The following GBP7 variants were observed in gnomAD, a reference collection of about 807,000 sequenced individuals.
GBP7 encodes guanylate binding protein 7.
In GBP7, 43 loss-of-function variants were observed where a neutral mutation model predicts 61.3. That is an observed-to-expected ratio of 0.70 (90% CI 0.55 to 0.91). The LOEUF (loss-of-function observed/expected upper bound fraction) is 0.91. Among genes scored for constraint, GBP7 ranks in the 40% least tolerant of loss-of-function variants. The probability of loss-of-function intolerance (pLI) is 0.00; values close to 1 mark genes in which losing one functional copy is unlikely to be tolerated. For synonymous variants in GBP7, 267 were observed against 271.0 expected (o/e 0.99, Z 0.14); for missense variants, 717 against 740.5 (o/e 0.97, Z 0.37).
At chr1:89,147,482 G>T in intron 8 of GBP7, 85 bp downstream of exon 8, 1 of 1,019,986 alleles carries the variant, frequency 9.8e-7, no homozygotes, top group Non-Finnish European at 1.5e-6. Context: ...GATAAATGGT[G>T]CTGTGTTCTT....
chr1:89,134,386 G>A (rs1681747114), intron 9 of GBP7, among the ~76,000 whole-genome samples: 1 of 152,136 alleles, frequency 6.6e-6, no homozygotes, highest in South Asian at 2.1e-4. Flanking sequence ...CAATGACCTT[G>A]GACCCCACTG....
intron 3 of GBP7, among the ~76,000 whole-genome samples, chr1:89,159,912 G>A (rs751597898): frequency 1.2e-4 from 19 of 152,118 alleles, no homozygotes; most frequent in African/African-American, 1.9e-4. Flanking sequence ...ACATGCACAC[G>A]TATGTTTATT....
Position 89,163,226 on chromosome 1 carries a change from TTTG to T in GBP7, c.318+1502_318+1504del, listed in dbSNP as rs1372216817. ...AGGATATTGGCCTGAAATTTTCTCT[TTTG>T]TTGTTGTATCTCTTCCAGGTTTTGG... is the stretch of plus-strand genomic sequence containing the variant. On this transcript the variant is annotated intron_variant, in intron 3 of 10. Coordinates refer to ENST00000294671, the MANE Select transcript of GBP7 (RefSeq NM_207398.3). Among the ~76,000 whole-genome samples, 14 of 152,286 alleles carry T rather than the reference TTTG, an allele frequency of 9.2e-5. No homozygotes were observed. The East Asian group carries it at 2.3e-3, about 25-fold the overall frequency.
At chr1:89,150,228 G>A (rs1230666248) in intron 6 of GBP7, 102 bp downstream of exon 6, 7 of 1,077,418 alleles carry the variant, frequency 6.5e-6, no homozygotes, top group Non-Finnish European at 8.2e-6. Context: ...TCATAACACA[G>A]ATGTTATCTC....
chr1:89,142,843 A>G (rs1277591541), intron 8 of GBP7, among the ~76,000 whole-genome samples: 1 of 152,182 alleles, frequency 6.6e-6, no homozygotes, highest in Non-Finnish European at 1.5e-5. Flanking sequence ...TGCTACAAAT[A>G]CCTGAGACTG....
At chr1:89,145,939 A>G (rs1372047855) in intron 8 of GBP7, among the ~76,000 whole-genome samples, 1 of 152,190 alleles carries the variant, frequency 6.6e-6, no homozygotes, top group Non-Finnish European at 1.5e-5. Context: ...CAAAATTCCA[A>G]TGGTGTTTTT....
At chr1:89,135,976 A>G (rs1423023913) in intron 9 of GBP7, among the ~76,000 whole-genome samples, 1 of 152,218 alleles carries the variant, frequency 6.6e-6, no homozygotes, top group Non-Finnish European at 1.5e-5. Flanking sequence ...AAAATCTATC[A>G]AGCAAATGGA....
At chr1:89,156,970 C>G (rs1306264955) in intron 3 of GBP7, among the ~76,000 whole-genome samples, 1 of 152,166 alleles carries the variant, frequency 6.6e-6, no homozygotes, top group Non-Finnish European at 1.5e-5. Context: ...CACTCCTCAG[C>G]AAATGTAAAA....
intron 9 of GBP7, among the ~76,000 whole-genome samples, chr1:89,138,532 C>T (rs1403269118): frequency 6.6e-6 from 1 of 151,902 alleles, no homozygotes; most frequent in Non-Finnish European, 1.5e-5. Context: ...TACCACACAC[C>T]TACAACTATC....
At chr1:89,149,689 T>G in intron 6 of GBP7, 117 bp from the exon 7 acceptor site, 1 of 786,800 alleles carries the variant, frequency 1.3e-6, no homozygotes, top group Non-Finnish European at 2.0e-6. Context: ...GAATTTTCCC[T>G]CCTTCTCCTT....
In GBP7 at chr1:89,171,768, G is replaced by A; in HGVS notation, c.168C>T (p.Asn56=). ...CACCTTTGTTCTTCCCAGCCAGCTT[G>A]TTCATTAGGTAGGATTTGCCTGTGC... The part of the protein sequence containing the change: ...LYRTGKSYLM[N]KLAGKNKGFP... Residue 56 remains asparagine, a synonymous_variant, in exon 2 of 11, where the codon AAC becomes AAT. Coordinates refer to ENST00000294671, the MANE Select transcript of GBP7 (RefSeq NM_207398.3). The A allele has an allele frequency of 6.2e-7, 1 of 1,612,952 alleles. No homozygotes were observed. The highest frequency in any genetic ancestry group is 1.1e-5 in the South Asian group (1 of 90,956).
At chr1:89,159,044 C>T (rs879464818) in intron 3 of GBP7, among the ~76,000 whole-genome samples, 68 of 152,196 alleles carry the variant, frequency 4.5e-4, no homozygotes, top group Middle Eastern at 3.4e-3. Context: ...ACAGAGCCCT[C>T]GGAAATAATA....
At chr1:89,161,962 G>A (rs1005928796) in intron 3 of GBP7, among the ~76,000 whole-genome samples, 1 of 151,656 alleles carries the variant, frequency 6.6e-6, no homozygotes, top group Admixed American at 6.6e-5. Flanking sequence ...TCTAAGTAAA[G>A]GGTCCAATTT....
chr1:89,134,635 C>T (rs12095055), intron 9 of GBP7, among the ~76,000 whole-genome samples: 1,612 of 147,916 alleles, frequency 0.011, 38 homozygotes, highest in African/African-American at 0.038. Flanking sequence ...GTCAGATGAA[C>T]CCAACTTATA....
At chr1:89,165,244 G>A (rs935164347) in intron 2 of GBP7, among the ~76,000 whole-genome samples, 1 of 152,284 alleles carries the variant, frequency 6.6e-6, no homozygotes, top group African/African-American at 2.4e-5. Context: ...GCTCACACCT[G>A]TAATCCCAAC....
At chr1:89,142,004 A>G (rs183164274) in intron 8 of GBP7, among the ~76,000 whole-genome samples, 1 of 152,280 alleles carries the variant, frequency 6.6e-6, no homozygotes, top group East Asian at 1.9e-4. Flanking sequence ...AGGCCTGCCT[A>G]CCCTTTTCAA....
intron 3 of GBP7, among the ~76,000 whole-genome samples, chr1:89,154,766 C>T (rs1329100848): frequency 6.6e-6 from 1 of 150,684 alleles, no homozygotes; most frequent in African/African-American, 2.4e-5. Context: ...AGTGGTGCCC[C>T]TGAACTTAAT....
At chr1:89,144,854 C>G (rs1339313471) in intron 8 of GBP7, among the ~76,000 whole-genome samples, 1 of 151,986 alleles carries the variant, frequency 6.6e-6, no homozygotes, top group Non-Finnish European at 1.5e-5. Flanking sequence ...CATCTTATAA[C>G]TGAATGTTTG....
chr1:89,152,203 A>T, intron 5 of GBP7, 65 bp downstream of exon 5: 1 of 1,433,510 alleles, frequency 7.0e-7, no homozygotes, highest in Non-Finnish European at 9.6e-7. Context: ...CAGGTGTTGA[A>T]CGGTAGGTCC....
Sources: gnomAD v4.1 joint callset for allele counts (sites outside exome capture counted in the v4.1 genomes callset) on GRCh38, gnomAD v4.1.1 for gene constraint, MANE v1.5 for transcripts, NCBI Gene and HGNC (gene_info 2026-07-23, HGNC 2026-07-21) for gene names.